The following FGF14 variants were observed in gnomAD, a reference collection of about 807,000 sequenced individuals.
FGF14 encodes fibroblast growth factor 14.
In FGF14, 5 loss-of-function variants were observed where a neutral mutation model predicts 25.5. That is an observed-to-expected ratio of 0.20 (90% CI 0.10 to 0.41). The LOEUF (loss-of-function observed/expected upper bound fraction) is 0.41, where lower values mean the gene tolerates loss of function less well. Among genes scored for constraint, FGF14 ranks in the 10% least tolerant of loss-of-function variants. The pLI is 1.00. For synonymous variants in FGF14, 138 were observed against 118.3 expected, an observed-to-expected ratio of 1.17 and a Z score of -1.08; for missense variants, 222 against 320.1, an observed-to-expected ratio of 0.69 and a Z score of 2.34.
rs1159911488 is a variant in FGF14, at chr13:101,720,528, CTCTGTGTGTGTGTG to C, written c.*2289_*2302del. On this transcript the variant is annotated 3_prime_UTR_variant, in exon 5 of 5. Transcript: ENST00000376143. ...AGTAACAAATAGATGGGGGTGTTTG[CTCTGTGTGTGTGTG>C]TGTGTGTGTGTGTGTGTGTGTGTAT... is the stretch of plus-strand genomic sequence containing the variant. The C allele has an allele frequency of 4.3e-5, 4 of 92,768 alleles. No homozygotes were observed. The highest frequency in any genetic ancestry group is 1.9e-4 in the African/African-American group (4 of 21,300). The allele number at this position is 92,768 out of a possible 1,614,324, so 5.7% of individuals were successfully genotyped here. A position where few individuals can be genotyped will look rare whatever the true frequency, so the allele number is the denominator to read the frequency against.
At chr13:101,831,503 G>A (rs1313405404) in intron 3 of FGF14, among the ~76,000 whole-genome samples, 1 of 151,960 alleles carries the variant, frequency 6.6e-6, no homozygotes, top group East Asian at 1.9e-4. Context: ...AGTAACTCTG[G>A]ATTCAAAAAC....
Position 101,717,161 on chromosome 13 carries a change from A to G in FGF14, c.*5670T>C, listed in dbSNP as rs1245571762. The G allele has an allele frequency of 2.6e-5, 4 of 152,160 alleles. No homozygotes were observed. The highest frequency in any genetic ancestry group is 1.9e-4 in the East Asian group (1 of 5,196). The allele number at this position is 152,160 out of a possible 1,614,324, so 9.4% of individuals were successfully genotyped here. ...ATATTCTAGTCATGGCTTAAACTTT[A>G]TAAGTCAAATTTCCAAAAATAAGGA... On this transcript the variant is annotated 3_prime_UTR_variant, in exon 5 of 5. Transcript: ENST00000376143.
chr13:102,393,259 G>C (rs1351678026), intron 1 of FGF14, among the ~76,000 whole-genome samples: 1 of 152,088 alleles, frequency 6.6e-6, no homozygotes, highest in Non-Finnish European at 1.5e-5. Flanking sequence ...CCTGTCTTTT[G>C]TCTTTCCTGC....
At chr13:102,136,686 T>C (rs959867653) in intron 1 of FGF14, among the ~76,000 whole-genome samples, 1 of 149,252 alleles carries the variant, frequency 6.7e-6, no homozygotes, top group Non-Finnish European at 1.5e-5. Context: ...AACCTGAGAC[T>C]GATAAAGTTA....
At chr13:101,974,025 T>G (rs2037775611) in intron 1 of FGF14, among the ~76,000 whole-genome samples, 1 of 152,258 alleles carries the variant, frequency 6.6e-6, no homozygotes, top group Non-Finnish European at 1.5e-5. Context: ...TTGCAATCTT[T>G]GAATGATGTA....
chr13:102,400,322 C>G lies in FGF14; in HGVS notation c.208+1149G>C, dbSNP rs368806441. Among the ~76,000 whole-genome samples, 4 of 152,296 alleles carry G rather than the reference C, an allele frequency of 2.6e-5. No individual in the cohort carries two copies. The highest frequency in any genetic ancestry group is 4.1e-4 in the South Asian group (2 of 4,826). ...GCCCGGGCTGCCACTGCGGGACGGC[C>G]GATCTGCCCGCTCCCTCCTTCAGAC... On this transcript the variant is annotated intron_variant, in intron 1 of 4. Transcript: ENST00000376131. This position sits in a 1 kb window ranked among gnomAD's most constrained non-coding sequence, Gnocchi z 4.3.
chr13:102,096,242 A>G (rs890021152), intron 1 of FGF14, among the ~76,000 whole-genome samples: 1 of 152,048 alleles, frequency 6.6e-6, no homozygotes, highest in African/African-American at 2.4e-5. Context: ...AAACAAAATT[A>G]TAAATGCTGA....
At chr13:102,051,796 G>A (rs1314671133) in intron 1 of FGF14, among the ~76,000 whole-genome samples, 1 of 152,142 alleles carries the variant, frequency 6.6e-6, no homozygotes. Flanking sequence ...AGCCAGTAGA[G>A]TCTGAAAGTG....
At chr13:102,097,639 T>C (rs1199468162) in intron 1 of FGF14, among the ~76,000 whole-genome samples, 6 of 152,146 alleles carry the variant, frequency 3.9e-5, no homozygotes, top group African/African-American at 7.2e-5. Flanking sequence ...AGGGCCAAAC[T>C]GGGGACACAA....
intron 1 of FGF14, among the ~76,000 whole-genome samples, chr13:102,029,834 G>T (rs1344434435): frequency 6.6e-6 from 1 of 152,064 alleles, no homozygotes; most frequent in Admixed American, 6.6e-5. Flanking sequence ...AAAAGGCTCT[G>T]GATTATTCAG....
At chr13:101,768,266 A>T (rs1256383594) in intron 3 of FGF14, among the ~76,000 whole-genome samples, 2 of 152,212 alleles carry the variant, frequency 1.3e-5, no homozygotes. Context: ...CTAACAAAAC[A>T]TGTTCAAGGT....
At chr13:102,158,854 T>C (rs1050747786) in intron 1 of FGF14, among the ~76,000 whole-genome samples, 2 of 152,034 alleles carry the variant, frequency 1.3e-5, no homozygotes, top group African/African-American at 4.8e-5. Context: ...ATTAACAACA[T>C]TCGGCCAGGT....
At chr13:101,775,542 G>C (rs2039055174) in intron 3 of FGF14, among the ~76,000 whole-genome samples, 1 of 152,170 alleles carries the variant, frequency 6.6e-6, no homozygotes, top group African/African-American at 2.4e-5. Context: ...GTGTGTGTTA[G>C]AGTTGCCAAG....
chr13:102,137,447 G>T (rs544094512), intron 1 of FGF14, among the ~76,000 whole-genome samples: 2 of 152,122 alleles, frequency 1.3e-5, no homozygotes, highest in Non-Finnish European at 2.9e-5. Flanking sequence ...ATGCAACCAA[G>T]TTGTTTGGTC....
intron 1 of FGF14, among the ~76,000 whole-genome samples, chr13:102,138,633 G>A (rs1382073005): frequency 6.6e-6 from 1 of 150,828 alleles, no homozygotes. Flanking sequence ...GTGGTGAGGT[G>A]TCAGTCCATC....
Position 101,987,253 on chromosome 13 carries a change from C to G in FGF14, c.209-111957G>C, listed in dbSNP as rs150421469. ...AAAAAAGGTCATGTTCTCACTATGA[C>G]AGCTACTGCGCCCTGCTCTCCTATC... On this transcript the variant is annotated intron_variant, in intron 1 of 4. Coordinates refer to the FGF14 transcript ENST00000376131. 7.9e-4 allele frequency among the ~76,000 whole-genome samples: 121 copies of G among 152,238 alleles called. 1 individual carries two copies. The highest frequency in any genetic ancestry group is 2.8e-3 in the African/African-American group (115 of 41,552).
In FGF14 at chr13:101,718,594, A is replaced by G. The variant is rs1013672599; in HGVS notation, c.*4237T>C. ...ATCATCACTGAGGTATTCCACCCAG[A>G]GACTTTTTCAAAAAAGTCAACTAAA... On this transcript the variant is annotated 3_prime_UTR_variant, in exon 5 of 5. Transcript: ENST00000376143. The G allele has an allele frequency of 6.6e-6, 1 of 152,034 alleles. No individual in the cohort carries two copies. Among genetic ancestry groups the G allele is most frequent in the Non-Finnish European group, 1.5e-5 (1 of 68,008 alleles). The allele number at this position is 152,034 out of a possible 1,614,324, so 9.4% of individuals were successfully genotyped here.
chr13:102,249,000 G>A (rs946172940), intron 1 of FGF14, among the ~76,000 whole-genome samples: 1 of 152,156 alleles, frequency 6.6e-6, no homozygotes, highest in African/African-American at 2.4e-5. Flanking sequence ...AGGAAGTAAT[G>A]TCCTGGGAAA....
chr13:101,836,916 A>G (rs2042952166), intron 3 of FGF14, among the ~76,000 whole-genome samples: 1 of 152,084 alleles, frequency 6.6e-6, no homozygotes, highest in African/African-American at 2.4e-5. Context: ...TCATGTTTAT[A>G]GAGCTCATAT....
Sources: gnomAD v4.1 joint callset for allele counts (sites outside exome capture counted in the v4.1 genomes callset) on GRCh38, gnomAD v4.1.1 for gene constraint, Gnocchi (gnomAD v3.1) non-coding constraint, MANE v1.5 for transcripts, NCBI Gene and HGNC (gene_info 2026-07-23, HGNC 2026-07-21) for gene names.